Variants in CERK observed in about 807,000 individuals in gnomAD.
CERK encodes the protein ceramide kinase, also known as acylsphingosine kinase.
Under a neutral mutation model 63.4 loss-of-function variants are expected in CERK, and 39 were observed. The ratio of observed to expected loss-of-function variants is 0.61; its 90% CI spans 0.48 to 0.80. CERK has a LOEUF of 0.80. Ranked by LOEUF, CERK falls within the 30% of genes least tolerant of loss-of-function variation. The pLI, the probability that CERK is intolerant of heterozygous loss-of-function variation, is 0.00. For missense variants in CERK, 670 were observed against 714.1 expected, an observed-to-expected ratio of 0.94 and a Z score of 0.70; for synonymous variants, 302 against 280.0, an observed-to-expected ratio of 1.08 and a Z score of -0.78.
intron 3 of CERK, among the ~76,000 whole-genome samples, chr22:46,718,914 A>T (rs531324383): frequency 6.4e-4 from 98 of 152,178 alleles, no homozygotes; most frequent in African/African-American, 2.3e-3. Flanking sequence ...TCTGTACAAA[A>T]AAAATTAGCC....
chr22:46,719,531 G>A (rs1019921719), intron 3 of CERK, among the ~76,000 whole-genome samples: 1 of 152,120 alleles, frequency 6.6e-6, no homozygotes, highest in Non-Finnish European at 1.5e-5. Context: ...AATTAGCCAG[G>A]CGTGGTGGCG....
At chr22:46,709,337 G>C (rs767421358) in intron 5 of CERK, among the ~76,000 whole-genome samples, 23 of 152,212 alleles carry the variant, frequency 1.5e-4, no homozygotes, top group Non-Finnish European at 2.8e-4. Context: ...CCCCATCCCT[G>C]CTGAAAAGTG....
At chr22:46,693,406 A>G in intron 10 of CERK, 21 bp downstream of exon 10, 1 of 1,601,250 alleles carries the variant, frequency 6.2e-7, no homozygotes, top group East Asian at 2.2e-5. Context: ...GACAACACTG[A>G]GCCTGTGTTT....
At chr22:46,700,952 G>A (rs567851632) in intron 7 of CERK, among the ~76,000 whole-genome samples, 4 of 145,012 alleles carry the variant, frequency 2.8e-5, no homozygotes, top group Admixed American at 1.4e-4. Flanking sequence ...TGGAAGTTGC[G>A]GTGAGCCAAG....
At chr22:46,695,178 T>C (rs2082749842) in intron 9 of CERK, 32 bp downstream of exon 9, 2 of 1,095,752 alleles carry the variant, frequency 1.8e-6, no homozygotes, top group Non-Finnish European at 2.7e-6. Context: ...TCCCGTCATT[T>C]GCAAGAGAAA....
chr22:46,707,187 G>A (rs1330231191), intron 6 of CERK, among the ~76,000 whole-genome samples: 3 of 132,236 alleles, frequency 2.3e-5, no homozygotes, highest in South Asian at 4.9e-4. Flanking sequence ...CGCCACCCTC[G>A]GGGCCAGACA....
chr22:46,698,478 T>C (rs2082767250), intron 8 of CERK, among the ~76,000 whole-genome samples: 1 of 152,262 alleles, frequency 6.6e-6, no homozygotes, highest in African/African-American at 2.4e-5. Context: ...CCTTGTTGAA[T>C]GAAGTAAAGG....
At chr22:46,706,036 TCAAA>T (rs2082811152) in intron 6 of CERK, among the ~76,000 whole-genome samples, 1 of 152,202 alleles carries the variant, frequency 6.6e-6, no homozygotes, top group South Asian at 2.1e-4. Context: ...AGACCCAGTC[TCAAA>T]CAAAAAGACA....
intron 1 of CERK, among the ~76,000 whole-genome samples, chr22:46,728,283 GTCA>G (rs1405106884): frequency 2.0e-5 from 3 of 152,152 alleles, no homozygotes; most frequent in Non-Finnish European, 4.4e-5. Flanking sequence ...AGGGAACTTT[GTCA>G]TGGGAACTGG....
chr22:46,710,743 T>A lies in CERK; in HGVS notation c.569+343A>T, dbSNP rs185680407. 6.6e-5 allele frequency among the ~76,000 whole-genome samples: 10 copies of A among 152,204 alleles called. No homozygotes were observed. The East Asian group carries it at 1.4e-3, about 21-fold the overall frequency. ...CTAGGAATTTTGGGGAAAAGAAGAATCCCAAACTGTAAAAACGACAGCATC... is the reference window on the plus strand; with the variant it reads ...CTAGGAATTTTGGGGAAAAGAAGAAACCCAAACTGTAAAAACGACAGCATC... On this transcript the variant is annotated intron_variant, in intron 5 of 12. Transcript: ENST00000216264.
chr22:46,690,589 C>T (rs2082725622), intron 11 of CERK, among the ~76,000 whole-genome samples: 1 of 152,170 alleles, frequency 6.6e-6, no homozygotes, highest in African/African-American at 2.4e-5. Flanking sequence ...CTCTTTTTAA[C>T]AAGCACTACT....
Position 46,738,156 on chromosome 22 carries a change from G to T in CERK, c.-8C>A. On this transcript the variant is annotated 5_prime_UTR_variant, in exon 1 of 13. Transcript: ENST00000216264. ...CGCCCCCGTCGCCCCCATCTCCGCCGCCGGGCTCGTCCGCCAGGCTGGGGG... is the reference window on the plus strand; with the variant it reads ...CGCCCCCGTCGCCCCCATCTCCGCCTCCGGGCTCGTCCGCCAGGCTGGGGG... The T allele has an allele frequency of 8.5e-7, 1 of 1,174,478 alleles. No individual in the cohort carries two copies. Among genetic ancestry groups the T allele is most frequent in the Non-Finnish European group, 1.1e-6 (1 of 952,324 alleles). 72.8% of individuals were successfully genotyped at this position (1,174,478 alleles called of 1,614,324 possible).
intron 9 of CERK, among the ~76,000 whole-genome samples, chr22:46,694,711 G>C (rs958585326): frequency 9.9e-5 from 15 of 152,196 alleles, no homozygotes; most frequent in Admixed American, 5.2e-4. Flanking sequence ...TCCTGCCTTG[G>C]AGCATGGGGC....
intron 9 of CERK, 196 bp from the exon 10 acceptor site, chr22:46,693,699 TC>T (rs1487268853): frequency 1.9e-6 from 1 of 529,618 alleles, no homozygotes; most frequent in East Asian, 3.4e-5. Flanking sequence ...ATTCAACATG[TC>T]CTTCTCTAAA....
chr22:46,702,369 A>G (rs1601714943), intron 6 of CERK, among the ~76,000 whole-genome samples: 1 of 149,204 alleles, frequency 6.7e-6, no homozygotes, highest in Non-Finnish European at 1.5e-5. Context: ...ATCTTGGCTC[A>G]CTGCAACCTC....
Position 46,690,170 on chromosome 22 carries a change from C to A in CERK, c.1363G>T (p.Val455Phe). The change falls in exon 12 of 13, where the codon GTC (valine) becomes TTC (phenylalanine). Residue 455 changes from valine (V) to phenylalanine (F), a missense_variant. Transcript: ENST00000216264. ...TTCGACGTAAACTGGAATTTCTTGACGCGATAAACTTCAACAAAAGTGAAG... is the reference window on the plus strand; with the variant it reads ...TTCGACGTAAACTGGAATTTCTTGAAGCGATAAACTTCAACAAAAGTGAAG... The part of the protein sequence containing the change: ...FDFTFVEVYR[V>F]KKFQFTSKHM... The A allele has an allele frequency of 6.2e-7, 1 of 1,613,918 alleles. No individual in the cohort carries two copies. The highest frequency in any genetic ancestry group is 8.5e-7 in the Non-Finnish European group (1 of 1,179,990).
At chr22:46,701,531 C>A in intron 7 of CERK, 105 bp downstream of exon 7, 1 of 944,694 alleles carries the variant, frequency 1.1e-6, no homozygotes, top group Non-Finnish European at 1.6e-6. Flanking sequence ...ACGGCCAGGA[C>A]AGGACGGCAA....
In CERK at chr22:46,689,697, G is replaced by A. The variant is rs1009050982; in HGVS notation, c.1541+295C>T. Among the ~76,000 whole-genome samples the A allele has an allele frequency of 5.3e-5, 8 of 152,252 alleles. No individual in the cohort carries two copies. In the East Asian group the frequency reaches 1.3e-3, roughly 26 times the overall value. On this transcript the variant is annotated intron_variant, in intron 12 of 12. Coordinates refer to ENST00000216264, the MANE Select transcript of CERK (RefSeq NM_022766.6). ...AGGGCAAAGAGCCCAATGCCAGCCT[G>A]GAGCACAGGGTGTGGAAGAGGAAAA...
rs2082984140 is a variant in CERK at position 46,738,009 on chromosome 22, G to C, written c.140C>G (p.Ala47Gly). ...SPGPGAGAPGADACSVPVSEI... is the reference protein window; with the variant it reads ...SPGPGAGAPGGDACSVPVSEI... ...ACCCGGGCGGCGGCGACACTCACCCGCGCCGGGGGCGCCGGCTCCGGGCCC... is the reference window on the plus strand; with the variant it reads ...ACCCGGGCGGCGGCGACACTCACCCCCGCCGGGGGCGCCGGCTCCGGGCCC... Residue 47 changes from alanine to glycine, a missense_variant and splice_region_variant, in exon 1 of 13, where the codon GCG (alanine) becomes GGG (glycine). Transcript: ENST00000216264. The C allele has an allele frequency of 8.5e-7, 1 of 1,181,192 alleles. No homozygotes were observed. The highest frequency in any genetic ancestry group is 1.0e-6 in the Non-Finnish European group (1 of 958,088). The allele number at this position is 1,181,192 out of a possible 1,614,324, so 73.2% of individuals were successfully genotyped here.
Sources: gnomAD v4.1 joint callset for allele counts (sites outside exome capture counted in the v4.1 genomes callset) on GRCh38, gnomAD v4.1.1 for gene constraint, MANE v1.5 for transcripts, NCBI Gene and HGNC (gene_info 2026-07-23, HGNC 2026-07-21) for gene names.